Variants in SLC12A3 observed in about 807,000 individuals in gnomAD.
The protein encoded by SLC12A3 is solute carrier family 12 member 3, also known as Na-Cl cotransporter.
SLC12A3 carries 104 observed loss-of-function variants against 121.0 expected under a neutral mutation model. The observed-to-expected ratio is 0.86, with a 90% CI of 0.73 to 1.01. The LOEUF is 1.01. Among genes scored for constraint, SLC12A3 ranks in the 50% least tolerant of loss-of-function variants. SLC12A3 has a pLI of 0.00. For missense variants in SLC12A3, 1,328 were observed against 1,356.3 expected (o/e 0.98, Z 0.33); for synonymous variants, 536 against 533.4 (o/e 1.00, Z -0.07).
chr16:56,896,974 C>T (rs2055470050), intron 22 of SLC12A3, among the ~76,000 whole-genome samples: 1 of 151,920 alleles, frequency 6.6e-6, no homozygotes, highest in African/African-American at 2.4e-5. Flanking sequence ...TGCCTGCAGT[C>T]CCAACTACTC....
At chr16:56,882,684 G>C (rs569138479) in intron 13 of SLC12A3, among the ~76,000 whole-genome samples, 187 bp downstream of exon 13, 13 of 152,216 alleles carry the variant, frequency 8.5e-5, no homozygotes, top group Non-Finnish European at 1.3e-4. Flanking sequence ...GCTCATGCCT[G>C]TAATCCTAGC....
chr16:56,887,558 C>T (rs377531517), intron 17 of SLC12A3, among the ~76,000 whole-genome samples: 114 of 151,440 alleles, frequency 7.5e-4, no homozygotes, highest in Middle Eastern at 3.4e-3. Context: ...GGCACTTTCT[C>T]GGAATGCCCA....
chr16:56,883,103 A>G (rs1446662840), intron 13 of SLC12A3, among the ~76,000 whole-genome samples: 1 of 152,030 alleles, frequency 6.6e-6, no homozygotes, highest in African/African-American at 2.4e-5. Flanking sequence ...CTGGTTCTTC[A>G]GAGAAAGAGA....
At chr16:56,880,328 C>G in intron 12 of SLC12A3, 75 bp downstream of exon 12, 1 of 1,513,758 alleles carries the variant, frequency 6.6e-7, no homozygotes, top group Non-Finnish European at 8.9e-7. Flanking sequence ...GGGGGCCGGG[C>G]TCTTCTCCTG....
intron 14 of SLC12A3, 121 bp downstream of exon 14, chr16:56,884,325 C>G (rs1171365163): frequency 5.0e-6 from 5 of 994,706 alleles, no homozygotes; most frequent in Non-Finnish European, 7.7e-6. Flanking sequence ...GGGCCCCTCT[C>G]TGCCCCTCCC....
At chr16:56,911,492 T>C (rs1341409347) in intron 25 of SLC12A3, among the ~76,000 whole-genome samples, 3 of 152,046 alleles carry the variant, frequency 2.0e-5, no homozygotes, top group Admixed American at 6.5e-5. Flanking sequence ...GCCCAGCTAA[T>C]TTTTCTATTT....
At chr16:56,877,928 G>A (rs1329432819) in intron 8 of SLC12A3, 149 bp from the exon 9 acceptor site, 1 of 609,086 alleles carries the variant, frequency 1.6e-6, no homozygotes, top group African/African-American at 1.8e-5. Flanking sequence ...GGGGCTCTGA[G>A]GGGCCAAGGT....
intron 21 of SLC12A3, among the ~76,000 whole-genome samples, chr16:56,893,964 A>ATTTTT (rs372341887): frequency 7.3e-6 from 1 of 136,480 alleles, no homozygotes; most frequent in Non-Finnish European, 1.5e-5. Context: ...TTTTATTTTT[A>ATTTTT]TTTTTATTTT....
intron 25 of SLC12A3, among the ~76,000 whole-genome samples, chr16:56,911,998 C>T (rs1353718749): frequency 1.3e-5 from 2 of 152,252 alleles, no homozygotes; most frequent in Non-Finnish European, 2.9e-5. Context: ...CAAAGGTCAT[C>T]TGGCTGAGGA....
rs1381513281 is a variant in SLC12A3, at chr16:56,902,467, T to C, written c.2815T>C (p.Trp939Arg). 6.3e-7 allele frequency: 1 copy of C among 1,598,806 alleles called. No homozygotes were observed. Among genetic ancestry groups the C allele is most frequent in the Non-Finnish European group, 8.5e-7 (1 of 1,177,744 alleles). ...TVNEMRRDCPWKISDEEITKN... is the reference protein window; with the variant it reads ...TVNEMRRDCPRKISDEEITKN... The stretch of plus-strand genomic sequence containing the variant: ...CAACGAGATGCGGCGGGACTGCCCC[T>C]GGAAGATCTCAGATGAGGAGATTAC... The change falls in exon 24 of 26, where the codon TGG (tryptophan) becomes CGG (arginine). Residue 939 changes from tryptophan (W) to arginine (R), a missense_variant. Trp to Arg is a moderately radical substitution (Grantham distance 101). Coordinates refer to ENST00000563236, the MANE Select transcript of SLC12A3 (RefSeq NM_001126108.2).
chr16:56,906,157 T>C (rs1280372360), intron 25 of SLC12A3, among the ~76,000 whole-genome samples: 1 of 152,210 alleles, frequency 6.6e-6, no homozygotes, highest in East Asian at 1.9e-4. Context: ...AAGTGGTCCA[T>C]TGAGGGTGAT....
intron 18 of SLC12A3, among the ~76,000 whole-genome samples, chr16:56,888,258 G>A (rs569254639): frequency 3.3e-5 from 5 of 152,312 alleles, no homozygotes; most frequent in Middle Eastern, 3.4e-3. Context: ...CAGCCTAGGC[G>A]AAAGAGCAAG....
intron 18 of SLC12A3, 56 bp downstream of exon 18, chr16:56,888,087 T>C (rs2055343868): frequency 7.5e-7 from 1 of 1,329,714 alleles, no homozygotes. Flanking sequence ...CCATTGGGCC[T>C]TGAGAAGTGG....
intron 25 of SLC12A3, among the ~76,000 whole-genome samples, chr16:56,907,445 T>TCCGTCTCAAAAAAAAAAAAAAAAAA (rs1567449752): frequency 6.6e-6 from 1 of 150,870 alleles, no homozygotes; most frequent in African/African-American, 2.5e-5. Flanking sequence ...ATGACAGAGC[T>TCCGTCTCAAAAAAAAAAAAAAAAAA]AGAAATGTGC....
chr16:56,903,771 G>A (rs1216437330), intron 24 of SLC12A3, among the ~76,000 whole-genome samples: 1 of 148,306 alleles, frequency 6.7e-6, no homozygotes, highest in Non-Finnish European at 1.5e-5. Context: ...ACGCAAGTTT[G>A]GGGACTTCCC....
At chr16:56,877,295 C>A (rs1211207580) in intron 8 of SLC12A3, among the ~76,000 whole-genome samples, 1 of 151,766 alleles carries the variant, frequency 6.6e-6, no homozygotes. Flanking sequence ...ACTTGGGAGG[C>A]TAAGGCAGGA....
chr16:56,895,192 A>AATTTT (rs2055445518), intron 22 of SLC12A3, among the ~76,000 whole-genome samples: 1 of 126,682 alleles, frequency 7.9e-6, no homozygotes, highest in Non-Finnish European at 1.6e-5. Flanking sequence ...ATATATTTTA[A>AATTTT]TTTTTTTTTT....
intron 2 of SLC12A3, 81 bp downstream of exon 2, chr16:56,867,297 T>C: frequency 6.9e-7 from 1 of 1,444,386 alleles, no homozygotes; most frequent in Non-Finnish European, 9.4e-7. Context: ...GCTCTGACTC[T>C]CAGGCCCTGG....
chr16:56,889,154 TG>T (rs1286947231), intron 18 of SLC12A3, among the ~76,000 whole-genome samples: 3 of 151,014 alleles, frequency 2.0e-5, no homozygotes, highest in African/African-American at 7.3e-5. Flanking sequence ...GGCTGAGGGT[TG>T]GGGCCCTGAG....
Sources: allele counts gnomAD v4.1 joint callset (sites outside exome capture counted in the v4.1 genomes callset), GRCh38; gene constraint gnomAD v4.1.1; transcripts MANE v1.5; gene names NCBI Gene and HGNC (gene_info 2026-07-23, HGNC 2026-07-21).